MPPED1: variants seen among roughly 807,000 people sequenced by gnomAD.
MPPED1 encodes metallophosphoesterase domain-containing protein 1.
MPPED1 carries 16 observed loss-of-function variants against 36.2 expected under a neutral mutation model. The ratio of observed to expected loss-of-function variants is 0.44; its 90% CI spans 0.30 to 0.67. MPPED1 has a LOEUF of 0.67. Ranked by LOEUF, MPPED1 falls within the 30% of genes least tolerant of loss-of-function variation. The pLI, the probability that MPPED1 is intolerant of heterozygous loss-of-function variation, is 0.10. For synonymous variants in MPPED1, 199 were observed against 191.3 expected, an observed-to-expected ratio of 1.04 and a Z score of -0.33; for missense variants, 307 against 453.4, an observed-to-expected ratio of 0.68 and a Z score of 2.93.
At chr22:43,449,361 C>A (rs1309506411) in intron 3 of MPPED1, among the ~76,000 whole-genome samples, 1 of 152,022 alleles carries the variant, frequency 6.6e-6, no homozygotes, top group Non-Finnish European at 1.5e-5. Flanking sequence ...CGCAGGTCTC[C>A]AGGGCAGGGA....
intron 3 of MPPED1, among the ~76,000 whole-genome samples, chr22:43,450,760 C>G (rs1035850507): frequency 6.6e-6 from 1 of 151,776 alleles, no homozygotes; most frequent in African/African-American, 2.4e-5. Context: ...GAGTTTCGTT[C>G]TTGCTGCCTA....
At chr22:43,439,212 G>A (rs1930066179) in intron 3 of MPPED1, among the ~76,000 whole-genome samples, 1 of 152,210 alleles carries the variant, frequency 6.6e-6, no homozygotes, top group Non-Finnish European at 1.5e-5. Context: ...CTGCGTTCAT[G>A]GGAGGGGGAC....
intron 2 of MPPED1, among the ~76,000 whole-genome samples, chr22:43,431,752 TCTTGA>T: frequency 6.6e-6 from 1 of 152,332 alleles, no homozygotes; most frequent in South Asian, 2.1e-4. Context: ...CATAATGAGC[TCTTGA>T]TGCGTGGGGA....
chr22:43,474,116 C>A lies in MPPED1; in HGVS notation c.407-620C>A, dbSNP rs561305939. On this transcript the variant is annotated intron_variant, in intron 3 of 6. Coordinates refer to ENST00000443721, the MANE Select transcript of MPPED1 (RefSeq NM_001044370.2). This position sits in a 1 kb window ranked among gnomAD's most constrained non-coding sequence, Gnocchi z 5.2. Reference sequence around the variant, plus strand: ...TGGGCTCTGCAAAGACCTTGCAATTCCTTTTGGAAAGTGGAGGATAAAGAG... The same window carrying A: ...TGGGCTCTGCAAAGACCTTGCAATTACTTTTGGAAAGTGGAGGATAAAGAG... Among the ~76,000 whole-genome samples the A allele has an allele frequency of 3.3e-5, 5 of 152,290 alleles. No individual in the cohort carries two copies. The South Asian group carries it at 8.3e-4, about 25-fold the overall frequency.
Position 43,472,513 on chromosome 22 carries a change from C to G in MPPED1, c.407-2223C>G, listed in dbSNP as rs557266723. Reference sequence around the variant, plus strand: ...GGGTCTGGGATCCAGGCTGCTGGAGCTGAGATTCTGTGGCCTGCTAAGTAC... The same window carrying G: ...GGGTCTGGGATCCAGGCTGCTGGAGGTGAGATTCTGTGGCCTGCTAAGTAC... On this transcript the variant is annotated intron_variant, in intron 3 of 6. Transcript: ENST00000443721. 3.3e-5 allele frequency among the ~76,000 whole-genome samples: 5 copies of G among 152,336 alleles called. No individual in the cohort carries two copies. In the East Asian group the frequency reaches 7.7e-4, roughly 23 times the overall value.
chr22:43,435,596 C>A (rs1929931105), intron 3 of MPPED1, among the ~76,000 whole-genome samples: 1 of 152,208 alleles, frequency 6.6e-6, no homozygotes, highest in African/African-American at 2.4e-5. Context: ...GCAGCTCATG[C>A]CTGTAATCCT....
At chr22:43,456,283 A>G (rs1280130035) in intron 3 of MPPED1, among the ~76,000 whole-genome samples, 1 of 152,168 alleles carries the variant, frequency 6.6e-6, no homozygotes, top group Admixed American at 6.5e-5. Context: ...TGGGATTTGT[A>G]ATATGTATGT....
intron 2 of MPPED1, among the ~76,000 whole-genome samples, chr22:43,429,028 G>A (rs1331069207): frequency 6.6e-6 from 1 of 152,166 alleles, no homozygotes; most frequent in Non-Finnish European, 1.5e-5. Flanking sequence ...GCAGAGACTT[G>A]AGTCATCGCT....
At position 43,502,661 on chromosome 22, in the gene MPPED1, C is replaced by A; in HGVS notation, c.766C>A (p.Pro256Thr). 2 of 1,613,286 alleles carry A rather than the reference C, an allele frequency of 1.2e-6. No individual in the cohort carries two copies. The highest frequency in any genetic ancestry group is 1.7e-6 in the Non-Finnish European group (2 of 1,179,842). Residue 256 changes from proline to threonine, a missense_variant, in exon 6 of 7, where the codon CCC (proline) becomes ACC (threonine). This residue lies in a region of MPPED1 where 132 missense variants were observed against 212.3 expected (regional missense o/e 0.62). Transcript: ENST00000443721. This position sits in a 1 kb window ranked among gnomAD's most constrained non-coding sequence, Gnocchi z 5.5. ...GPPLGFLDWV[P>T]KKMQRVGCVE... is the part of the protein sequence containing the mutation. ...CATACCAGGCTTCCTGGACTGGGTC[C>A]CCAAGAAGATGCAGCGGGTGGGCTG...
chr22:43,481,173 AGGTG>A (rs1468262682), intron 4 of MPPED1, among the ~76,000 whole-genome samples: 1 of 152,114 alleles, frequency 6.6e-6, no homozygotes, highest in Admixed American at 6.5e-5. Context: ...TCTTATGTTC[AGGTG>A]TTGGATCCAC....
chr22:43,418,895 C>T (rs1045867861), intron 1 of MPPED1: 3 of 152,346 alleles, frequency 2.0e-5, no homozygotes, highest in African/African-American at 7.2e-5. Flanking sequence ...AGGGGCCAGG[C>T]ACCATGGGCT....
intron 3 of MPPED1, among the ~76,000 whole-genome samples, chr22:43,466,269 A>G (rs1359172412): frequency 6.6e-6 from 1 of 152,152 alleles, no homozygotes; most frequent in Non-Finnish European, 1.5e-5. Context: ...GGATGAGGCC[A>G]GGGGGTCTGC....
chr22:43,456,673 T>G (rs1301081821), intron 3 of MPPED1, among the ~76,000 whole-genome samples: 1 of 152,172 alleles, frequency 6.6e-6, no homozygotes, highest in East Asian at 1.9e-4. Flanking sequence ...TTTTGTTTTT[T>G]TAGTAGAGAC....
At chr22:43,485,183 C>T (rs1006835937) in intron 4 of MPPED1, among the ~76,000 whole-genome samples, 17 of 152,124 alleles carry the variant, frequency 1.1e-4, no homozygotes, top group East Asian at 5.8e-4. Flanking sequence ...ATAATTCACA[C>T]GCACACATAC....
chr22:43,431,800 A>T (rs1157559806), intron 2 of MPPED1, among the ~76,000 whole-genome samples: 1 of 152,226 alleles, frequency 6.6e-6, no homozygotes, highest in Non-Finnish European at 1.5e-5. Flanking sequence ...TATTATTTCA[A>T]AGTTGAGCAT....
At chr22:43,452,292 G>T (rs1930598302) in intron 3 of MPPED1, among the ~76,000 whole-genome samples, 1 of 152,280 alleles carries the variant, frequency 6.6e-6, no homozygotes, top group African/African-American at 2.4e-5. Context: ...GGGATTACAG[G>T]TGTGAGCCAA....
At chr22:43,495,740 G>A (rs1419900343) in intron 4 of MPPED1, among the ~76,000 whole-genome samples, 1 of 39,194 alleles carries the variant, frequency 2.6e-5, no homozygotes. Flanking sequence ...GGTGGTGGAG[G>A]TAGTGGTGGT....
At chr22:43,447,883 A>ATATATATATATATATTTTTTT (rs1321289636) in intron 3 of MPPED1, among the ~76,000 whole-genome samples, 2 of 67,704 alleles carry the variant, frequency 3.0e-5, no homozygotes, top group African/African-American at 6.7e-5. Flanking sequence ...ATATATATAT[A>ATATATATATATATATTTTTTT]TTTTTTTTTT....
At chr22:43,471,005 C>T (rs1931356557) in intron 3 of MPPED1, among the ~76,000 whole-genome samples, 1 of 152,230 alleles carries the variant, frequency 6.6e-6, no homozygotes, top group Non-Finnish European at 1.5e-5. Context: ...TGTATGGGAG[C>T]TGGGCCTTGT....
Sources: gnomAD v4.1 joint callset for allele counts (sites outside exome capture counted in the v4.1 genomes callset) on GRCh38, gnomAD v4.1.1 for gene constraint, gnomAD v4.1.1 regional missense constraint, Gnocchi (gnomAD v3.1) non-coding constraint, MANE v1.5 for transcripts, NCBI Gene and HGNC (gene_info 2026-07-23, HGNC 2026-07-21) for gene names.